The following ARHGEF39 variants were observed in gnomAD, a reference collection of about 807,000 sequenced individuals.
ARHGEF39 encodes Rho guanine nucleotide exchange factor 39.
A neutral mutation model predicts 47.5 loss-of-function variants in ARHGEF39; 45 were observed. The observed-to-expected ratio is 0.95, with a 90% CI of 0.75 to 1.22. ARHGEF39 has a LOEUF of 1.22. Among genes scored for constraint, ARHGEF39 ranks in the 50% most tolerant of loss-of-function variants. The pLI is 0.00. For missense variants in ARHGEF39, 411 were observed against 425.3 expected, an observed-to-expected ratio of 0.97 and a Z score of 0.30; for synonymous variants, 164 against 167.8, an observed-to-expected ratio of 0.98 and a Z score of 0.17.
At position 35,661,997 on chromosome 9, in the gene ARHGEF39, T is replaced by C; in HGVS notation, c.998A>G (p.Gln333Arg). ...ATCTATAAGATTCCTCTAGTTTTTC[T>C]GGCTGCTGTGGAGAGAAGACAGTCA... is the stretch of plus-strand genomic sequence containing the variant. Reference protein sequence around the residue: ...YHSLTWAISSQKN With the variant: ...YHSLTWAISSRKN Residue 333 changes from glutamine to arginine, a missense_variant, in exon 9 of 9, where the codon CAG (glutamine) becomes CGG (arginine). By Grantham distance (43) the Gln-to-Arg change is conservative. Transcript: ENST00000378387. 6.2e-7 allele frequency: 1 copy of C among 1,613,970 alleles called. No individual in the cohort carries two copies. The highest frequency in any genetic ancestry group is 8.5e-7 in the Non-Finnish European group (1 of 1,179,928).
rs748224933 is a variant in ARHGEF39 at position 35,661,123 on chromosome 9, A to C, written c.*864T>G. 2.7e-5 allele frequency: 44 copies of C among 1,613,630 alleles called. No homozygotes were observed. The South Asian group carries it at 4.2e-4, about 15-fold the overall frequency. On this transcript the variant is annotated 3_prime_UTR_variant, in exon 9 of 9. Coordinates refer to ENST00000378387, the MANE Select transcript of ARHGEF39 (RefSeq NM_032818.3). ...CAGGCTGTGGCAAAGGGCCCCAGTCACAGCCTTGGCTGGGAAGGAGGGACG... is the reference window on the plus strand; with the variant it reads ...CAGGCTGTGGCAAAGGGCCCCAGTCCCAGCCTTGGCTGGGAAGGAGGGACG...
At chr9:35,664,606 A>T (rs1466196469) in intron 2 of ARHGEF39, 114 bp from the exon 3 acceptor site, 1 of 1,486,498 alleles carries the variant, frequency 6.7e-7, no homozygotes, top group African/African-American at 1.4e-5. Flanking sequence ...GTACAGATGG[A>T]GAACAAGGGC....
At position 35,660,502 on chromosome 9, in the gene ARHGEF39, G is replaced by C. The variant is rs749777866; in HGVS notation, c.*1485C>G. ...GTCTGTGCTGGGTCGGGGGAGTTTA[G>C]GGGACAGCAGAAGATACATAACCAC... On this transcript the variant is annotated 3_prime_UTR_variant, in exon 9 of 9. Transcript: ENST00000378387. 1.2e-6 allele frequency: 2 copies of C among 1,613,124 alleles called. No homozygotes were observed. Among genetic ancestry groups the C allele is most frequent in the African/African-American group, 2.7e-5 (2 of 74,922 alleles).
Position 35,664,786 on chromosome 9 carries a change from C to G in ARHGEF39, c.203G>C (p.Gly68Ala), listed in dbSNP as rs764302007. Residue 68 changes from glycine (G) to alanine (A), a missense_variant, in exon 2 of 9, where the codon GGC becomes GCC. Coordinates refer to ENST00000378387, the MANE Select transcript of ARHGEF39 (RefSeq NM_032818.3). ...GGCGCCGTAGATGAGCTCCCAGGAG[C>G]CAAACAGGGCCTGGCGCTCAGGTGG... Reference protein sequence around the residue: ...LRPPERQALFGSWELIYGASQ... With the variant: ...LRPPERQALFASWELIYGASQ... The G allele has an allele frequency of 1.9e-6, 3 of 1,612,956 alleles. No homozygotes were observed. The highest frequency in any genetic ancestry group is 4.5e-5 in the East Asian group (2 of 44,872).
rs1823890771 is a variant in ARHGEF39 at position 35,660,822 on chromosome 9, A to G, written c.*1165T>C. 1.2e-6 allele frequency: 2 copies of G among 1,614,208 alleles called. No homozygotes were observed. Among genetic ancestry groups the G allele is most frequent in the Non-Finnish European group, 1.7e-6 (2 of 1,180,044 alleles). On this transcript the variant is annotated 3_prime_UTR_variant, in exon 9 of 9. Transcript: ENST00000378387. ...GACCATCCACGAGCTGCTGCAAGAT[A>G]GCAAGCCGGACAAGGATATGGAGGC...
Position 35,660,069 on chromosome 9 carries a change from T to C in ARHGEF39, c.*1918A>G, listed in dbSNP as rs1823828852. 1 of 192,902 alleles carries C rather than the reference T, an allele frequency of 5.2e-6. No homozygotes were observed. 11.9% of individuals were successfully genotyped at this position (192,902 alleles called of 1,614,324 possible). On this transcript the variant is annotated 3_prime_UTR_variant, in exon 9 of 9. Transcript: ENST00000378387. ...CGTGTTGGCCAGGCTGGTCTCAAAC[T>C]CCTGACCTCAGGTGATCCACCCACC...
chr9:35,665,092 G>A lies in ARHGEF39; in HGVS notation c.78C>T (p.Thr26=). The A allele has an allele frequency of 1.9e-6, 3 of 1,552,928 alleles. No individual in the cohort carries two copies. In the South Asian group the frequency reaches 3.5e-5, roughly 18 times the overall value. ...RARWERKRAC[T]ARELLETERR... ...GCTCGGTCTCTAGCAGCTCCCGGGC[G>A]GTGCAGGCGCGTTTCCGCTCCCAGC... is the stretch of plus-strand genomic sequence containing the variant. The change falls in exon 1 of 9, where the codon ACC becomes ACT. Residue 26 remains threonine, a synonymous_variant. Transcript: ENST00000378387.
chr9:35,663,209 G>C (rs771618431), intron 5 of ARHGEF39, 113 bp downstream of exon 5: 5 of 1,552,198 alleles, frequency 3.2e-6, no homozygotes, highest in Non-Finnish European at 4.4e-6. Context: ...TAGGGACACT[G>C]TATACATGTC....
At position 35,663,078 on chromosome 9, in the gene ARHGEF39, G is replaced by A; in HGVS notation, c.545-4C>T. On this transcript the variant is annotated splice_region_variant and splice_polypyrimidine_tract_variant and intron_variant, in intron 5 of 8. Coordinates refer to ENST00000378387, the MANE Select transcript of ARHGEF39 (RefSeq NM_032818.3). ...TCACTTATCAGTCGGGCAGCCCCTG[G>A]AATAACATCTCCCACCTTACTCCCC... The A allele has an allele frequency of 6.2e-7, 1 of 1,613,188 alleles. No homozygotes were observed. The highest frequency in any genetic ancestry group is 8.5e-7 in the Non-Finnish European group (1 of 1,179,412).
chr9:35,662,273 G>C lies in ARHGEF39; in HGVS notation c.904-6C>G, dbSNP rs375320699. The C allele has an allele frequency of 6.2e-7, 1 of 1,612,434 alleles. No individual in the cohort carries two copies. Among genetic ancestry groups the C allele is most frequent in the South Asian group, 1.1e-5 (1 of 91,040 alleles). ...TTCTCATGAGGGAAGGACAGCTAGA[G>C]AGAGACCACCTCTTAGCGCATGGCT... On this transcript the variant is annotated splice_polypyrimidine_tract_variant and splice_region_variant and intron_variant, in intron 7 of 8. Coordinates refer to ENST00000378387, the MANE Select transcript of ARHGEF39 (RefSeq NM_032818.3).
Position 35,662,160 on chromosome 9 carries a change from G to A in ARHGEF39, c.992+19C>T, listed in dbSNP as rs188416193. 4,283 of 1,611,518 alleles carry A rather than the reference G, an allele frequency of 2.7e-3. 11 individuals carry two copies. The highest frequency in any genetic ancestry group is 2.8e-3 in the Non-Finnish European group (3,323 of 1,177,636). On this transcript the variant is annotated intron_variant, in intron 8 of 8. Transcript: ENST00000378387. ...TGGGCCTCATCACAGCACCCTTCCT[G>A]GGGGAAGACACAACTTACCTGATAG...
In ARHGEF39 at chr9:35,662,523, C is replaced by T. The variant is rs267602226; in HGVS notation, c.892G>A (p.Gly298Arg). 1 of 1,613,200 alleles carries T rather than the reference C, an allele frequency of 6.2e-7. No individual in the cohort carries two copies. Reference protein sequence around the residue: ...VFGHSGGPCGGLLSLSFPHEK... With the variant: ...VFGHSGGPCGRLLSLSFPHEK... ...CACCTATTACTTACACTGAGCAACC[C>T]ACCACAAGGGCCTCCTGAGTGGCCA... The change falls in exon 7 of 9, where the codon GGG becomes AGG. Residue 298 changes from glycine to arginine, a missense_variant. Coordinates refer to ENST00000378387, the MANE Select transcript of ARHGEF39 (RefSeq NM_032818.3).
chr9:35,662,060 TCATCTGGGGGTTGG>T, intron 8 of ARHGEF39, 58 bp from the exon 9 acceptor site: 1 of 1,610,796 alleles, frequency 6.2e-7, no homozygotes, highest in Non-Finnish European at 8.5e-7. Flanking sequence ...TCAGACAAAA[TCATCTGGGGGTTGG>T]TGGCTGGGGT....
chr9:35,661,445 A>G lies in ARHGEF39; in HGVS notation c.*542T>C. The stretch of plus-strand genomic sequence containing the variant: ...GAGACAGAAGGGTCTTTCCCAAAAA[A>G]AAGAAAAAAAACTTTACTCAAATCC... On this transcript the variant is annotated 3_prime_UTR_variant, in exon 9 of 9. Transcript: ENST00000378387. The G allele has an allele frequency of 2.1e-6, 1 of 465,144 alleles. No homozygotes were observed. Among genetic ancestry groups the G allele is most frequent in the Non-Finnish European group, 3.8e-6 (1 of 265,344 alleles). The allele number at this position is 465,144 out of a possible 1,614,324, so 28.8% of individuals were successfully genotyped here.
chr9:35,661,214 TC>T lies in ARHGEF39; in HGVS notation c.*772del. The stretch of plus-strand genomic sequence containing the variant: ...GGAGTGCTCCTGTGTGTTTTTTCGA[TC>T]CTAGTTGGTTGTACACACCCATACT... On this transcript the variant is annotated 3_prime_UTR_variant, in exon 9 of 9. Transcript: ENST00000378387. 3.2e-6 allele frequency: 5 copies of T among 1,545,860 alleles called. 1 individual carries two copies. The South Asian group carries it at 4.9e-5, about 15-fold the overall frequency.
Position 35,661,033 on chromosome 9 carries a change from GC to G in ARHGEF39, c.*953del, listed in dbSNP as rs1823911229. ...GCCTGGGAGGAGCCCACAAACTGGA[GC>G]ACAGAGACATGGAACCTAGCTACTT... On this transcript the variant is annotated 3_prime_UTR_variant, in exon 9 of 9. Transcript: ENST00000378387. The G allele has an allele frequency of 6.2e-7, 1 of 1,614,222 alleles. No homozygotes were observed. Among genetic ancestry groups the G allele is most frequent in the East Asian group, 2.2e-5 (1 of 44,890 alleles).
At position 35,663,031 on chromosome 9, in the gene ARHGEF39, A is replaced by G; in HGVS notation, c.588T>C (p.Thr196=). The change falls in exon 6 of 9, where the codon ACT becomes ACC. Residue 196 remains threonine, a synonymous_variant. Coordinates refer to ENST00000378387, the MANE Select transcript of ARHGEF39 (RefSeq NM_032818.3). The part of the protein sequence containing the change: ...LISETAQRVH[T]IGQKQKNDQH... ...GGTCATTCTTCTGTTTCTGACCAATAGTATGGACTCTCTGGGCAGTCTCAC... is the reference window on the plus strand; with the variant it reads ...GGTCATTCTTCTGTTTCTGACCAATGGTATGGACTCTCTGGGCAGTCTCAC... The G allele has an allele frequency of 2.5e-6, 4 of 1,611,860 alleles. No homozygotes were observed. Among genetic ancestry groups the G allele is most frequent in the Non-Finnish European group, 3.4e-6 (4 of 1,178,158 alleles).
In ARHGEF39 at chr9:35,662,487, T is replaced by C. The variant is rs745349186; in HGVS notation, c.903+25A>G. On this transcript the variant is annotated intron_variant, in intron 7 of 8. Transcript: ENST00000378387. ...ATAAGCATCTGAGACATATTTTGGG[T>C]CTAGGGTTCCCACCTATTACTTACA... 1.9e-6 allele frequency: 3 copies of C among 1,596,892 alleles called. No individual in the cohort carries two copies. In the Admixed American group the frequency reaches 5.2e-5, roughly 28 times the overall value.
intron 1 of ARHGEF39, 87 bp from the exon 2 acceptor site, chr9:35,664,937 G>A (rs1824156153): frequency 6.5e-7 from 1 of 1,534,984 alleles, no homozygotes; most frequent in East Asian, 2.3e-5. Context: ...AGTCTGCCCA[G>A]GCTCCCTACA....
Sources: gnomAD v4.1 joint callset for allele counts on GRCh38, gnomAD v4.1.1 for gene constraint, MANE v1.5 for transcripts, NCBI Gene and HGNC (gene_info 2026-07-23, HGNC 2026-07-21) for gene names.